UBXN7: variants seen among roughly 807,000 people sequenced by gnomAD.
The protein encoded by UBXN7 is UBX domain protein 7.
UBXN7 carries 9 observed loss-of-function variants against 58.0 expected under a neutral mutation model. The observed-to-expected ratio is 0.16, with a 90% CI of 0.09 to 0.27. UBXN7 has a LOEUF of 0.27. Among genes scored for constraint, UBXN7 ranks in the 10% least tolerant of loss-of-function variants. UBXN7 has a pLI of 1.00. For missense variants in UBXN7, 328 were observed against 599.6 expected (o/e 0.55, Z 4.73); for synonymous variants, 208 against 205.0 (o/e 1.01, Z -0.12).
chr3:196,427,724 A>G (rs1291999733), intron 1 of UBXN7, among the ~76,000 whole-genome samples: 2 of 152,246 alleles, frequency 1.3e-5, no homozygotes, highest in African/African-American at 2.4e-5. Flanking sequence ...AGTAATTCAA[A>G]GCCATGTATG....
At chr3:196,376,855 G>T (rs1215686262) in intron 5 of UBXN7, among the ~76,000 whole-genome samples, 1 of 151,704 alleles carries the variant, frequency 6.6e-6, no homozygotes, top group Non-Finnish European at 1.5e-5. Flanking sequence ...AGACCAACCT[G>T]GGCAACGTGG....
At chr3:196,421,321 T>C (rs145116102) in intron 1 of UBXN7, among the ~76,000 whole-genome samples, 44 of 152,324 alleles carry the variant, frequency 2.9e-4, no homozygotes, top group African/African-American at 1.1e-3. Flanking sequence ...AGGCCAGTAC[T>C]ACCCAAATGG....
rs369731436 is a variant in UBXN7 at position 196,372,833 on chromosome 3, C to T, written c.469-791G>A. Among the ~76,000 whole-genome samples, 42 of 152,032 alleles carry T rather than the reference C, an allele frequency of 2.8e-4. No homozygotes were observed. In the South Asian group the frequency reaches 8.5e-3, roughly 31 times the overall value. On this transcript the variant is annotated intron_variant, in intron 5 of 10. Transcript: ENST00000296328. ...CGATCTCGGCTCACTACAACCTCCA[C>T]CTACTAGGTTCAAGTGATTCTTCTG...
intron 5 of UBXN7, among the ~76,000 whole-genome samples, chr3:196,380,049 A>T (rs1445051489): frequency 1.3e-5 from 2 of 152,140 alleles, no homozygotes; most frequent in East Asian, 3.9e-4. Context: ...GGAGATCGAG[A>T]CCATCCTGGC....
chr3:196,379,000 G>T (rs13324625), intron 5 of UBXN7, among the ~76,000 whole-genome samples: 21 of 119,766 alleles, frequency 1.8e-4, no homozygotes, highest in African/African-American at 4.2e-4. Context: ...TTGGTTTTGG[G>T]GGATTTTAGC....
At chr3:196,368,899 T>C (rs956133013) in intron 7 of UBXN7, among the ~76,000 whole-genome samples, 6 of 152,164 alleles carry the variant, frequency 3.9e-5, no homozygotes, top group Non-Finnish European at 8.8e-5. Flanking sequence ...CTCGGCTCAC[T>C]GCAACCTCCA....
chr3:196,396,551 G>A (rs1162880648), intron 3 of UBXN7, among the ~76,000 whole-genome samples: 2 of 151,914 alleles, frequency 1.3e-5, no homozygotes, highest in Non-Finnish European at 2.9e-5. Context: ...TCACGAGGTC[G>A]GGAGATTGAG....
rs917457675 is a variant in UBXN7 at position 196,348,624 on chromosome 3, C to A, written c.*8061G>T. 3 of 152,132 alleles carry A rather than the reference C, an allele frequency of 2.0e-5. No individual in the cohort carries two copies. Among genetic ancestry groups the A allele is most frequent in the African/African-American group, 7.2e-5 (3 of 41,420 alleles). The allele number at this position is 152,132 out of a possible 1,614,324, so 9.4% of individuals were successfully genotyped here. On this transcript the variant is annotated 3_prime_UTR_variant, in exon 11 of 11. Transcript: ENST00000296328. ...AGAAAACACTTTAAAGCAAATACCC[C>A]AAGTTGACTTCACTCAAGCCCCCAA...
Position 196,362,421 on chromosome 3 carries a change from A to T in UBXN7, c.1101T>A (p.Thr367=), listed in dbSNP as rs745524916. 6.8e-6 allele frequency: 11 copies of T among 1,614,172 alleles called. No individual in the cohort carries two copies. In the Admixed American group the frequency reaches 1.0e-4, roughly 15 times the overall value. ...CAGGATCAGTTCTGACTGGTGGCTC[A>T]GTCAGCGGCCTTCTATTCTCCTCTT... ...HRKEENRRPL[T]EPPVRTDPGT... The change falls in exon 9 of 11, where the codon ACT becomes ACA. Residue 367 remains threonine (T), a synonymous_variant. Coordinates refer to ENST00000296328, the MANE Select transcript of UBXN7 (RefSeq NM_015562.2).
At chr3:196,387,096 A>G (rs1032801800) in intron 5 of UBXN7, among the ~76,000 whole-genome samples, 1 of 152,284 alleles carries the variant, frequency 6.6e-6, no homozygotes, top group East Asian at 1.9e-4. Context: ...AGATATACAG[A>G]CCAATGGAAC....
chr3:196,407,013 C>T (rs1432976616), intron 2 of UBXN7, among the ~76,000 whole-genome samples: 1 of 151,998 alleles, frequency 6.6e-6, no homozygotes, highest in African/African-American at 2.4e-5. Flanking sequence ...TCCAACCAAC[C>T]CCATCTCCCC....
At chr3:196,371,028 T>TG in intron 6 of UBXN7, among the ~76,000 whole-genome samples, 1 of 152,016 alleles carries the variant, frequency 6.6e-6, no homozygotes, top group South Asian at 2.1e-4. Context: ...TGTCTCACAG[T>TG]GGGGGAAAAA....
intron 5 of UBXN7, among the ~76,000 whole-genome samples, chr3:196,373,833 C>CA (rs1359106690): frequency 6.6e-6 from 1 of 152,200 alleles, no homozygotes; most frequent in Non-Finnish European, 1.5e-5. Context: ...CTTGGGATTA[C>CA]AGGTGTCAGT....
At chr3:196,381,921 G>A (rs1245993179) in intron 5 of UBXN7, among the ~76,000 whole-genome samples, 2 of 152,150 alleles carry the variant, frequency 1.3e-5, no homozygotes, top group African/African-American at 4.8e-5. Flanking sequence ...GAAATAAAGT[G>A]AGAAGACAAG....
At chr3:196,364,703 GT>G (rs541642001) in intron 8 of UBXN7, among the ~76,000 whole-genome samples, 2,321 of 143,658 alleles carry the variant, frequency 0.016, 62 homozygotes, top group South Asian at 0.078. Context: ...TTTGCTGGTT[GT>G]TTTTTTTTTT....
chr3:196,401,187 G>A (rs1358526262), intron 3 of UBXN7, among the ~76,000 whole-genome samples: 2 of 134,750 alleles, frequency 1.5e-5, no homozygotes, highest in African/African-American at 2.8e-5. Flanking sequence ...CGAGGCGGGC[G>A]GCTCACCTGA....
At chr3:196,374,387 T>C (rs1244570833) in intron 5 of UBXN7, among the ~76,000 whole-genome samples, 1 of 152,122 alleles carries the variant, frequency 6.6e-6, no homozygotes, top group African/African-American at 2.4e-5. Flanking sequence ...GTTATAGATA[T>C]TAAAGTAATA....
chr3:196,421,233 AAGT>A (rs1730672658), intron 1 of UBXN7, among the ~76,000 whole-genome samples: 1 of 152,212 alleles, frequency 6.6e-6, no homozygotes, highest in Non-Finnish European at 1.5e-5. Flanking sequence ...ATGGTGCAGG[AAGT>A]AGTGCTAATG....
chr3:196,392,459 C>T (rs571917314), intron 4 of UBXN7, among the ~76,000 whole-genome samples: 263 of 151,284 alleles, frequency 1.7e-3, no homozygotes, highest in African/African-American at 6.1e-3. Context: ...GAGCAGAGAT[C>T]GCGCCACTGC....
Sources: gnomAD v4.1 joint callset for allele counts (sites outside exome capture counted in the v4.1 genomes callset) on GRCh38, gnomAD v4.1.1 for gene constraint, MANE v1.5 for transcripts, NCBI Gene and HGNC (gene_info 2026-07-23, HGNC 2026-07-21) for gene names.